The following SNTG1 variants were observed in gnomAD, a reference collection of about 807,000 sequenced individuals.
SNTG1 encodes syntrophin gamma 1.
A neutral mutation model predicts 74.7 loss-of-function variants in SNTG1; 39 were observed. The observed-to-expected ratio is 0.52, with a 90% CI of 0.40 to 0.68. SNTG1 has a LOEUF of 0.68. Ranked by LOEUF, SNTG1 falls within the 30% of genes least tolerant of loss-of-function variation. The pLI is 0.00. For synonymous variants in SNTG1, 254 were observed against 217.1 expected, an observed-to-expected ratio of 1.17 and a Z score of -1.49; for missense variants, 685 against 609.5, an observed-to-expected ratio of 1.12 and a Z score of -1.30.
At chr8:50,067,707 C>A (rs957561416) in intron 1 of SNTG1, among the ~76,000 whole-genome samples, 1 of 152,150 alleles carries the variant, frequency 6.6e-6, no homozygotes, top group African/African-American at 2.4e-5. Context: ...GATCCACACC[C>A]TGATTTTGGT....
intron 1 of SNTG1, among the ~76,000 whole-genome samples, chr8:49,984,930 T>G (rs1813019796): frequency 1.3e-5 from 2 of 151,820 alleles, no homozygotes; most frequent in African/African-American, 4.8e-5. Context: ...GTTCTTCTGT[T>G]GGAGTATGTT....
At chr8:49,962,737 G>T (rs1268691293) in intron 1 of SNTG1, among the ~76,000 whole-genome samples, 1 of 152,118 alleles carries the variant, frequency 6.6e-6, no homozygotes, top group Non-Finnish European at 1.5e-5. Flanking sequence ...TGGGATTACA[G>T]GTGCATGCCC....
At chr8:50,260,350 G>T (rs569121370) in intron 2 of SNTG1, among the ~76,000 whole-genome samples, 71 of 152,112 alleles carry the variant, frequency 4.7e-4, no homozygotes, top group Admixed American at 9.8e-4. Flanking sequence ...AGAGGAGACT[G>T]AAAAGGATTT....
chr8:50,088,240 T>C (rs1403183031), intron 1 of SNTG1, among the ~76,000 whole-genome samples: 2 of 151,514 alleles, frequency 1.3e-5, no homozygotes, highest in South Asian at 2.1e-4. Flanking sequence ...AATTAGGTAT[T>C]GATGGGACGT....
intron 2 of SNTG1, among the ~76,000 whole-genome samples, chr8:50,301,699 TG>T (rs1472388665): frequency 6.6e-6 from 1 of 152,160 alleles, no homozygotes; most frequent in Non-Finnish European, 1.5e-5. Flanking sequence ...TCACATCCCC[TG>T]GGATTGCCAT....
intron 2 of SNTG1, among the ~76,000 whole-genome samples, chr8:50,278,643 C>G (rs1443980473): frequency 6.6e-6 from 1 of 151,742 alleles, no homozygotes; most frequent in Non-Finnish European, 1.5e-5. Context: ...TAAATGGACC[C>G]TAAATCAGTA....
chr8:49,947,442 C>T (rs770329840), intron 1 of SNTG1, among the ~76,000 whole-genome samples: 3 of 152,210 alleles, frequency 2.0e-5, no homozygotes, highest in Non-Finnish European at 4.4e-5. Context: ...GTTGTCACCA[C>T]TATCTTTATG....
chr8:49,926,492 CTA>C (rs532343121), intron 1 of SNTG1, among the ~76,000 whole-genome samples: 3 of 152,000 alleles, frequency 2.0e-5, no homozygotes, highest in Non-Finnish European at 4.4e-5. Context: ...TTAAAAATAA[CTA>C]GAGTTTTTCA....
intron 8 of SNTG1, among the ~76,000 whole-genome samples, chr8:50,482,414 A>G (rs2093748330): frequency 1.3e-5 from 2 of 152,242 alleles, no homozygotes; most frequent in Middle Eastern, 3.4e-3. Flanking sequence ...TGCTTTGCAA[A>G]GGAAATGTTT....
At chr8:49,922,766 A>T (rs1806669181) in intron 1 of SNTG1, among the ~76,000 whole-genome samples, 1 of 152,096 alleles carries the variant, frequency 6.6e-6, no homozygotes, top group Admixed American at 6.6e-5. Flanking sequence ...AAATAATCAA[A>T]TCTTTTATTT....
chr8:50,230,163 A>G (rs1169671114), intron 2 of SNTG1, among the ~76,000 whole-genome samples: 1 of 151,524 alleles, frequency 6.6e-6, no homozygotes, highest in Non-Finnish European at 1.5e-5. Flanking sequence ...CCAACTTAAA[A>G]ACTAGAGAAA....
chr8:50,677,573 A>G (rs1319643205), intron 15 of SNTG1, among the ~76,000 whole-genome samples: 2 of 151,996 alleles, frequency 1.3e-5, no homozygotes, highest in African/African-American at 4.8e-5. Flanking sequence ...TTCTAGACTT[A>G]ATTTGTTTAG....
chr8:50,047,164 C>T (rs1338918784), intron 1 of SNTG1, among the ~76,000 whole-genome samples: 1 of 151,906 alleles, frequency 6.6e-6, no homozygotes, highest in African/African-American at 2.4e-5. Flanking sequence ...CATGGTAAAA[C>T]CCCATGTCTA....
At chr8:50,396,260 G>T (rs2092727443) in intron 3 of SNTG1, among the ~76,000 whole-genome samples, 1 of 152,158 alleles carries the variant, frequency 6.6e-6, no homozygotes, top group African/African-American at 2.4e-5. Flanking sequence ...GCTAAATATT[G>T]CTGAAGTCAC....
At chr8:50,384,631 G>T (rs1001053904) in intron 2 of SNTG1, among the ~76,000 whole-genome samples, 5 of 152,138 alleles carry the variant, frequency 3.3e-5, no homozygotes, top group Admixed American at 2.6e-4. Flanking sequence ...GTTGGCCTTG[G>T]TGAGTGGAAG....
In SNTG1 at chr8:50,612,257, G is replaced by C. The variant is rs893036046; in HGVS notation, c.849+21340G>C. On this transcript the variant is annotated intron_variant, in intron 13 of 18. Transcript: ENST00000642720. Reference sequence around the variant, plus strand: ...ACAGCTGGAAGATTTTTCTAATGTAGTGAAATATACAGGATCTTTTACACA... The same window carrying C: ...ACAGCTGGAAGATTTTTCTAATGTACTGAAATATACAGGATCTTTTACACA... Among the ~76,000 whole-genome samples, 3 of 152,050 alleles carry C rather than the reference G, an allele frequency of 2.0e-5. No homozygotes were observed. The East Asian group carries it at 5.8e-4, about 29-fold the overall frequency.
chr8:50,763,899 AC>A (rs1563817644), intron 18 of SNTG1, among the ~76,000 whole-genome samples: 43 of 117,404 alleles, frequency 3.7e-4, no homozygotes, highest in East Asian at 1.5e-3. Context: ...ACACACACAC[AC>A]ACACACAAAA....
intron 1 of SNTG1, among the ~76,000 whole-genome samples, chr8:50,055,299 A>G (rs547104259): frequency 2.0e-5 from 3 of 152,242 alleles, no homozygotes; most frequent in African/African-American, 7.2e-5. Context: ...ACTCCTGTAT[A>G]CATTGCTACC....
intron 1 of SNTG1, among the ~76,000 whole-genome samples, chr8:50,141,013 A>T (rs888330554): frequency 1.3e-5 from 2 of 152,176 alleles, no homozygotes; most frequent in African/African-American, 4.8e-5. Flanking sequence ...AGAAATTCAA[A>T]TTATTTGGCC....
Sources: allele counts gnomAD v4.1 joint callset (sites outside exome capture counted in the v4.1 genomes callset), GRCh38; gene constraint gnomAD v4.1.1; transcripts MANE v1.5; gene names NCBI Gene and HGNC (gene_info 2026-07-23, HGNC 2026-07-21).